LNP1: variants seen among roughly 807,000 people sequenced by gnomAD.
LNP1 encodes leukemia NUP98 fusion partner 1.
LNP1 carries 12 observed loss-of-function variants against 14.5 expected under a neutral mutation model. The ratio of observed to expected loss-of-function variants is 0.83; its 90% CI spans 0.53 to 1.34. The LOEUF (loss-of-function observed/expected upper bound fraction) is 1.34, where lower values mean the gene tolerates loss of function less well. Ranked by LOEUF, LNP1 falls within the 40% of genes most tolerant of loss-of-function variation. LNP1 has a pLI of 0.00. For synonymous variants in LNP1, 75 were observed against 71.4 expected, an observed-to-expected ratio of 1.05 and a Z score of -0.26; for missense variants, 198 against 210.9, an observed-to-expected ratio of 0.94 and a Z score of 0.38.
chr3:100,418,306 C>T (rs922929712), intron 1 of LNP1, among the ~76,000 whole-genome samples: 1 of 151,748 alleles, frequency 6.6e-6, no homozygotes, highest in Non-Finnish European at 1.5e-5. Context: ...GATCCAACTG[C>T]CTCGGCCTCC....
chr3:100,410,839 A>G (rs1170830908), intron 1 of LNP1, among the ~76,000 whole-genome samples: 1 of 152,232 alleles, frequency 6.6e-6, no homozygotes, highest in Non-Finnish European at 1.5e-5. Context: ...CTCCAACAGC[A>G]ATTCAGAAAT....
intron 2 of LNP1, among the ~76,000 whole-genome samples, chr3:100,435,029 A>T (rs1189461950): frequency 6.6e-6 from 1 of 152,062 alleles, no homozygotes; most frequent in Non-Finnish European, 1.5e-5. Context: ...GTTCTCACAA[A>T]CCTGGGAGAG....
rs542646969 is a variant in LNP1, at chr3:100,450,922, A to G, written c.157-797A>G. 5.6e-3 allele frequency among the ~76,000 whole-genome samples: 860 copies of G among 152,326 alleles called. 2 individuals carry two copies. Among genetic ancestry groups the G allele is most frequent in the Non-Finnish European group, 9.5e-3 (648 of 68,032 alleles). On this transcript the variant is annotated intron_variant, in intron 2 of 3. Transcript: ENST00000383693. ...ATAAATAGAGAGAGAGAGGAGTTGT[A>G]CAGCAAAATAAACTTTAGATCTTGA...
rs1429934306 is a variant in LNP1, at chr3:100,451,804, A to G, written c.242A>G (p.His81Arg). 4 of 746,060 alleles carry G rather than the reference A, an allele frequency of 5.4e-6. No homozygotes were observed. Among genetic ancestry groups the G allele is most frequent in the Non-Finnish European group, 7.2e-6 (4 of 555,904 alleles). 46.2% of individuals were successfully genotyped at this position (746,060 alleles called of 1,614,324 possible). The part of the protein sequence containing the change: ...HEDQEFRCRS[H>R]VRDYRKYSED... ...GACCAAGAATTTCGATGCCGTAGCC[A>G]CGTACGGGATTACAGAAAATACTCA... The change falls in exon 3 of 4, where the codon CAC (histidine) becomes CGC (arginine). Residue 81 changes from histidine to arginine, a missense_variant. By Grantham distance (29) the His-to-Arg change is conservative. Coordinates refer to ENST00000383693, the MANE Select transcript of LNP1 (RefSeq NM_001085451.2).
At chr3:100,423,502 A>G (rs1466634211) in intron 1 of LNP1, among the ~76,000 whole-genome samples, 4 of 152,048 alleles carry the variant, frequency 2.6e-5, no homozygotes, top group African/African-American at 7.2e-5. Context: ...TATAAAAATA[A>G]ATAAAGGGAA....
chr3:100,455,298 G>T (rs1280667398), intron 3 of LNP1, among the ~76,000 whole-genome samples: 1 of 152,068 alleles, frequency 6.6e-6, no homozygotes, highest in African/African-American at 2.4e-5. Flanking sequence ...CATGTCGGGG[G>T]GTGTTAATCT....
At chr3:100,450,770 C>A (rs1469523568) in intron 2 of LNP1, among the ~76,000 whole-genome samples, 1 of 152,156 alleles carries the variant, frequency 6.6e-6, no homozygotes, top group African/African-American at 2.4e-5. Flanking sequence ...AAAAACAACA[C>A]CTCATCTTCC....
chr3:100,427,699 G>T (rs1041695662), intron 1 of LNP1, among the ~76,000 whole-genome samples: 5 of 152,150 alleles, frequency 3.3e-5, no homozygotes, highest in African/African-American at 1.2e-4. Flanking sequence ...TATGTTGAAA[G>T]GATACAAGGT....
chr3:100,409,722 G>A (rs1397644835), intron 1 of LNP1, among the ~76,000 whole-genome samples: 1 of 150,444 alleles, frequency 6.6e-6, no homozygotes, highest in Non-Finnish European at 1.5e-5. Context: ...AGCCTCCCGA[G>A]TATCTGGGAT....
At chr3:100,418,799 T>G (rs1254200569) in intron 1 of LNP1, among the ~76,000 whole-genome samples, 2 of 152,154 alleles carry the variant, frequency 1.3e-5, no homozygotes, top group Non-Finnish European at 2.9e-5. Flanking sequence ...AGGTCAGATT[T>G]GAGAGTTTAT....
intron 3 of LNP1, among the ~76,000 whole-genome samples, chr3:100,454,410 G>A (rs1576238955): frequency 1.3e-5 from 2 of 152,152 alleles, no homozygotes; most frequent in Middle Eastern, 6.8e-3. Flanking sequence ...CTTTCCTAAG[G>A]CTAACTACAT....
At chr3:100,409,998 T>TCTAC (rs1553740341) in intron 1 of LNP1, among the ~76,000 whole-genome samples, 44 of 150,914 alleles carry the variant, frequency 2.9e-4, no homozygotes, top group African/African-American at 1.0e-3. Flanking sequence ...TATCTATCTA[T>TCTAC]CTACCTATTT....
At chr3:100,414,207 G>C (rs190454097) in intron 1 of LNP1, among the ~76,000 whole-genome samples, 32 of 152,214 alleles carry the variant, frequency 2.1e-4, no homozygotes, top group African/African-American at 6.7e-4. Flanking sequence ...GTGTTATTCA[G>C]CTGCTGAATG....
In LNP1 at chr3:100,434,477, C is replaced by A. The variant is rs143879459; in HGVS notation, c.156+4592C>A. 0.017 allele frequency among the ~76,000 whole-genome samples: 2,589 copies of A among 151,834 alleles called. 269 individuals carry two copies. The East Asian group carries it at 0.31, about 18-fold the overall frequency. On this transcript the variant is annotated intron_variant, in intron 2 of 3. Transcript: ENST00000383693. ...TACCATGCTGTTTTGGTTACTGTAG[C>A]CTTGTAGTATAGTTTGAAGTCAGGT...
chr3:100,455,840 A>C lies in LNP1; in HGVS notation c.451A>C (p.Lys151Gln). The C allele has an allele frequency of 6.2e-7, 1 of 1,614,136 alleles. No homozygotes were observed. Among genetic ancestry groups the C allele is most frequent in the East Asian group, 2.2e-5 (1 of 44,880 alleles). The change falls in exon 4 of 4, where the codon AAG becomes CAG. Residue 151 changes from lysine (K) to glutamine (Q), a missense_variant. Coordinates refer to ENST00000383693, the MANE Select transcript of LNP1 (RefSeq NM_001085451.2). The stretch of plus-strand genomic sequence containing the variant: ...CCTGAGGATGGAGATAAAATCCCGA[A>C]AGAAAGTAGAGGAAGAAAGGAGCTC... ...ECLRMEIKSRKKVEEERSSRK... is the reference protein window; with the variant it reads ...ECLRMEIKSRQKVEEERSSRK...
At chr3:100,441,819 T>A (rs1576235062) in intron 2 of LNP1, among the ~76,000 whole-genome samples, 2 of 151,896 alleles carry the variant, frequency 1.3e-5, no homozygotes, top group African/African-American at 4.8e-5. Context: ...CCTGCCACCA[T>A]ACCCAGCTAA....
intron 2 of LNP1, among the ~76,000 whole-genome samples, chr3:100,433,054 C>CT (rs1707257282): frequency 6.6e-6 from 1 of 152,050 alleles, no homozygotes; most frequent in African/African-American, 2.4e-5. Context: ...AAGATTTTTT[C>CT]TTTTTTCTTT....
intron 2 of LNP1, among the ~76,000 whole-genome samples, chr3:100,440,082 C>G (rs2148905856): frequency 6.6e-6 from 1 of 152,296 alleles, no homozygotes; most frequent in African/African-American, 2.4e-5. Flanking sequence ...AGATGGCTGC[C>G]TTCTCACTGT....
At chr3:100,416,243 A>G (rs1707082590) in intron 1 of LNP1, among the ~76,000 whole-genome samples, 1 of 152,202 alleles carries the variant, frequency 6.6e-6, no homozygotes, top group African/African-American at 2.4e-5. Flanking sequence ...GGAAATTGAA[A>G]TTCAAACTGT....
Sources: allele counts gnomAD v4.1 joint callset (sites outside exome capture counted in the v4.1 genomes callset), GRCh38; gene constraint gnomAD v4.1.1; transcripts MANE v1.5; gene names NCBI Gene and HGNC (gene_info 2026-07-23, HGNC 2026-07-21).